The following SF3A3 variants were observed in gnomAD, a reference collection of about 807,000 sequenced individuals.
SF3A3 encodes splicing factor 3a subunit 3, also known as SAP 61.
In SF3A3, 9 loss-of-function variants were observed where a neutral mutation model predicts 85.8. The ratio of observed to expected loss-of-function variants is 0.10; its 90% CI spans 0.06 to 0.18. The LOEUF (loss-of-function observed/expected upper bound fraction) is 0.18, where lower values mean the gene tolerates loss of function less well. Ranked by LOEUF, SF3A3 falls within the 10% of genes least tolerant of loss-of-function variation. The pLI is 1.00. For synonymous variants in SF3A3, 195 were observed against 204.4 expected (o/e 0.95, Z 0.39); for missense variants, 306 against 593.3 (o/e 0.52, Z 5.03).
chr1:37,974,730 T>C (rs1305153234), intron 12 of SF3A3, among the ~76,000 whole-genome samples: 3 of 152,230 alleles, frequency 2.0e-5, no homozygotes. Context: ...AGAGAACTTT[T>C]ATTGGCTTCC....
chr1:37,970,030 T>G (rs547366975), intron 12 of SF3A3, among the ~76,000 whole-genome samples: 2 of 152,094 alleles, frequency 1.3e-5, no homozygotes, highest in East Asian at 3.9e-4. Flanking sequence ...CCTGGCTGGG[T>G]GTGGTGGCTC....
chr1:37,984,456 A>C (rs945893932), intron 5 of SF3A3, among the ~76,000 whole-genome samples, 196 bp from the exon 6 acceptor site: 1 of 152,190 alleles, frequency 6.6e-6, no homozygotes, highest in Non-Finnish European at 1.5e-5. Flanking sequence ...ACAAGGACTG[A>C]CTCATTTTAG....
At chr1:37,975,291 G>A (rs756202818) in intron 12 of SF3A3, among the ~76,000 whole-genome samples, 4 of 152,104 alleles carry the variant, frequency 2.6e-5, no homozygotes, top group Non-Finnish European at 4.4e-5. Context: ...CAAGGCAGGC[G>A]GATCACTTGA....
intron 15 of SF3A3, among the ~76,000 whole-genome samples, chr1:37,963,863 T>A (rs1570454262): frequency 1.1e-5 from 1 of 93,600 alleles, no homozygotes; most frequent in African/African-American, 4.3e-5. Context: ...GCCCTGCCAA[T>A]GATATTCTTA....
rs72921809 is a variant in SF3A3, at chr1:37,958,342, C to T, written c.1429-79G>A. Reference sequence around the variant, plus strand: ...GAACCAATCTCTAAGTACCTGAGCTCATCCTGGCCTGATTCCATGGCATAC... The same window carrying T: ...GAACCAATCTCTAAGTACCTGAGCTTATCCTGGCCTGATTCCATGGCATAC... On this transcript the variant is annotated intron_variant, in intron 16 of 16. Coordinates refer to ENST00000373019, the MANE Select transcript of SF3A3 (RefSeq NM_006802.4). 3.5e-3 allele frequency: 3,338 copies of T among 966,694 alleles called. 82 individuals are homozygous for T. The African/African-American group carries it at 0.047, about 14-fold the overall frequency. 59.9% of individuals were successfully genotyped at this position (966,694 alleles called of 1,614,324 possible). A position where few individuals can be genotyped will look rare whatever the true frequency, so the allele number is the denominator to read the frequency against.
chr1:37,979,230 A>C, intron 9 of SF3A3, 175 bp from the exon 10 acceptor site: 2 of 633,466 alleles, frequency 3.2e-6, no homozygotes, highest in Non-Finnish European at 5.6e-6. Flanking sequence ...CTTCAGACTT[A>C]ACCATACTGA....
At chr1:37,967,185 G>C (rs1646307581) in intron 15 of SF3A3, among the ~76,000 whole-genome samples, 1 of 144,472 alleles carries the variant, frequency 6.9e-6, no homozygotes, top group East Asian at 2.1e-4. Context: ...GAGCCCAGGA[G>C]ACGGAGGTTG....
intron 11 of SF3A3, among the ~76,000 whole-genome samples, chr1:37,978,274 C>A (rs368741843): frequency 6.8e-6 from 1 of 146,488 alleles, no homozygotes; most frequent in Non-Finnish European, 1.5e-5. Context: ...AGGAGGTGGA[C>A]GTTCCAGTGA....
chr1:37,974,238 TA>T (rs951366149), intron 12 of SF3A3, among the ~76,000 whole-genome samples: 10 of 147,070 alleles, frequency 6.8e-5, no homozygotes, highest in African/African-American at 2.0e-4. Context: ...AAAAAAAAAT[TA>T]AAAAAAAAAT....
intron 4 of SF3A3, among the ~76,000 whole-genome samples, chr1:37,986,490 T>C (rs1310965971): frequency 6.6e-6 from 1 of 152,052 alleles, no homozygotes; most frequent in Non-Finnish European, 1.5e-5. Flanking sequence ...AGGCCCTTTT[T>C]CTCTTTACCT....
chr1:37,975,374 G>A (rs754378103), intron 12 of SF3A3, among the ~76,000 whole-genome samples: 4 of 152,222 alleles, frequency 2.6e-5, no homozygotes, highest in East Asian at 1.9e-4. Flanking sequence ...AAATTAGCCA[G>A]GTGTGGTGGC....
chr1:37,981,245 G>A (rs1646416605), intron 7 of SF3A3, among the ~76,000 whole-genome samples: 1 of 152,044 alleles, frequency 6.6e-6, no homozygotes, highest in Non-Finnish European at 1.5e-5. Context: ...ATAAAATGAT[G>A]CTAAATACTA....
rs1167288147 is a variant in SF3A3, at chr1:37,957,116, T to C, written c.*1070A>G. On this transcript the variant is annotated 3_prime_UTR_variant, in exon 17 of 17. Transcript: ENST00000373019. The stretch of plus-strand genomic sequence containing the variant: ...ATAAGGCAGATCAGTGCCTTCCTGG[T>C]TGCCTTAGTTCTTTCCATTTCAGAC... The C allele has an allele frequency of 6.6e-6, 1 of 152,150 alleles. No individual in the cohort carries two copies. Among genetic ancestry groups the C allele is most frequent in the Admixed American group, 6.6e-5 (1 of 15,256 alleles). 9.4% of individuals were successfully genotyped at this position (152,150 alleles called of 1,614,324 possible).
In SF3A3 at chr1:37,981,852, T is replaced by A. The variant is rs149418405; in HGVS notation, c.469-41A>T. The A allele has an allele frequency of 1.7e-3, 1,992 of 1,144,756 alleles. 7 individuals are homozygous for A. The highest frequency in any genetic ancestry group is 0.01 in the African/African-American group (675 of 64,382). The allele number at this position is 1,144,756 out of a possible 1,614,324, so 70.9% of individuals were successfully genotyped here. A position where few individuals can be genotyped will look rare whatever the true frequency, so the allele number is the denominator to read the frequency against. ...AAATGACAAGAAATTCAGTTAGGTATTTATACTGTAACAAGTTACAATATA... is the reference window on the plus strand; with the variant it reads ...AAATGACAAGAAATTCAGTTAGGTAATTATACTGTAACAAGTTACAATATA... On this transcript the variant is annotated intron_variant, in intron 6 of 16. Transcript: ENST00000373019.
intron 4 of SF3A3, 49 bp downstream of exon 4, chr1:37,987,524 A>G: frequency 4.5e-6 from 6 of 1,319,908 alleles, no homozygotes; most frequent in African/African-American, 1.5e-5. Context: ...CCTTTCCTTT[A>G]GTATGCTTTA....
chr1:37,966,803 C>T (rs957539202), intron 15 of SF3A3, among the ~76,000 whole-genome samples: 18 of 150,616 alleles, frequency 1.2e-4, no homozygotes, highest in South Asian at 2.1e-4. Context: ...GGCATGGTGG[C>T]GCATACTTGT....
At chr1:37,982,469 C>T (rs1031796938) in intron 6 of SF3A3, among the ~76,000 whole-genome samples, 2 of 151,622 alleles carry the variant, frequency 1.3e-5, no homozygotes, top group African/African-American at 4.9e-5. Flanking sequence ...CTCATGGGTT[C>T]AAGCGATTCT....
chr1:37,976,194 G>C (rs1646378735), intron 12 of SF3A3, among the ~76,000 whole-genome samples: 1 of 150,864 alleles, frequency 6.6e-6, no homozygotes, highest in Non-Finnish European at 1.5e-5. Context: ...GACACAATCA[G>C]AAAGGCTGGT....
chr1:37,986,961 C>CG (rs998298536), intron 4 of SF3A3, among the ~76,000 whole-genome samples: 2 of 152,112 alleles, frequency 1.3e-5, no homozygotes, highest in Non-Finnish European at 2.9e-5. Context: ...ACCAACCCAA[C>CG]GGGGAGCCAT....
Sources: gnomAD v4.1 joint callset for allele counts (sites outside exome capture counted in the v4.1 genomes callset) on GRCh38, gnomAD v4.1.1 for gene constraint, MANE v1.5 for transcripts, NCBI Gene and HGNC (gene_info 2026-07-23, HGNC 2026-07-21) for gene names.